The following AOPEP variants were observed in gnomAD, a reference collection of about 807,000 sequenced individuals.
AOPEP encodes aminopeptidase O (putative), also known as aminopeptidase O.
AOPEP carries 77 observed loss-of-function variants against 98.1 expected under a neutral mutation model. The ratio of observed to expected loss-of-function variants is 0.78; its 90% confidence interval spans 0.65 to 0.95. The LOEUF is 0.95. Among genes scored for constraint, AOPEP ranks in the 40% least tolerant of loss-of-function variants. The pLI is 0.00. For missense variants in AOPEP, 1,024 were observed against 1,024.7 expected (o/e 1.00, Z 0.01); for synonymous variants, 346 against 365.3 (o/e 0.95, Z 0.60).
At chr9:94,827,405 A>T (rs1854877936) in intron 5 of AOPEP, among the ~76,000 whole-genome samples, 1 of 152,190 alleles carries the variant, frequency 6.6e-6, no homozygotes. Flanking sequence ...ATTTTCGTCC[A>T]CTGAAGCCAC....
At chr9:94,940,992 TAAAAAA>T (rs35838994) in intron 7 of AOPEP, among the ~76,000 whole-genome samples, 1 of 148,628 alleles carries the variant, frequency 6.7e-6, no homozygotes, top group Non-Finnish European at 1.5e-5. Context: ...AAGAGAATGT[TAAAAAA>T]AAAAGTGCAA....
At chr9:95,093,816 C>T in the AOPEP span, among the ~76,000 whole-genome samples, 1 of 152,186 alleles carries the variant, frequency 6.6e-6, no homozygotes, top group Non-Finnish European at 1.5e-5. Flanking sequence ...ACTCGAGAGG[C>T]AGTGACACCC....
chr9:95,101,723 A>G, the AOPEP span: 24 of 1,613,908 alleles, frequency 1.5e-5, no homozygotes, highest in Non-Finnish European at 2.0e-5. Flanking sequence ...TTGAGTTCGC[A>G]GCTCTTTAAG....
At chr9:94,782,560 CA>C (rs1843534213) in intron 3 of AOPEP, among the ~76,000 whole-genome samples, 1 of 152,136 alleles carries the variant, frequency 6.6e-6, no homozygotes, top group Non-Finnish European at 1.5e-5. Flanking sequence ...TTCAAATGAG[CA>C]GTACTATTTA....
intron 11 of AOPEP, among the ~76,000 whole-genome samples, chr9:94,995,057 T>C (rs902679733): frequency 7.9e-5 from 12 of 152,248 alleles, no homozygotes; most frequent in African/African-American, 2.7e-4. Flanking sequence ...TTATCTCCTT[T>C]ATAATAAGAC....
chr9:94,730,609 T>C (rs1284672916), intron 1 of AOPEP, among the ~76,000 whole-genome samples: 1 of 152,200 alleles, frequency 6.6e-6, no homozygotes, highest in Non-Finnish European at 1.5e-5. Context: ...AATGGCAAAA[T>C]ATAGGATCTC....
At chr9:95,005,637 A>G (rs1315804429) in intron 13 of AOPEP, 21 bp downstream of exon 13, 8 of 1,607,190 alleles carry the variant, frequency 5.0e-6, no homozygotes, top group Non-Finnish European at 6.0e-6. Context: ...CCGAGACGGT[A>G]CTCGGTGCAG....
chr9:95,102,372 G>A, the AOPEP span, among the ~76,000 whole-genome samples: 60 of 152,302 alleles, frequency 3.9e-4, no homozygotes, highest in African/African-American at 1.4e-3. Context: ...TGATTCTTGC[G>A]GGAGAGCAGG....
chr9:94,963,013 G>A (rs2058957404), intron 9 of AOPEP, among the ~76,000 whole-genome samples: 1 of 152,002 alleles, frequency 6.6e-6, no homozygotes, highest in South Asian at 2.1e-4. Context: ...CAAAGTGCTG[G>A]GATTACAGGC....
At chr9:95,112,525 C>G in the AOPEP span, among the ~76,000 whole-genome samples, 1 of 152,236 alleles carries the variant, frequency 6.6e-6, no homozygotes, top group Non-Finnish European at 1.5e-5. Flanking sequence ...ACATGTCCCT[C>G]TTTCCCAGGA....
chr9:94,849,315 A>G (rs2043239301), intron 5 of AOPEP, among the ~76,000 whole-genome samples: 1 of 152,204 alleles, frequency 6.6e-6, no homozygotes, highest in Non-Finnish European at 1.5e-5. Context: ...TTAGGGTTAA[A>G]TGAGATAATG....
the AOPEP span, among the ~76,000 whole-genome samples, chr9:95,132,427 C>T: frequency 2.0e-5 from 3 of 152,206 alleles, no homozygotes; most frequent in Non-Finnish European, 4.4e-5. Context: ...TCGGTGACAT[C>T]GGTTTTTAAG....
intron 7 of AOPEP, chr9:94,932,992 T>G (rs1462950096): frequency 2.0e-6 from 2 of 985,330 alleles, no homozygotes; most frequent in African/African-American, 1.7e-5. Flanking sequence ...ATGCCATTTT[T>G]CATTTGTTAA....
the AOPEP span, chr9:95,149,830 T>G: frequency 1.4e-6 from 2 of 1,403,716 alleles, no homozygotes; most frequent in Non-Finnish European, 2.0e-6. Flanking sequence ...CAAAAACGTT[T>G]GGACACTGCT....
intron 5 of AOPEP, among the ~76,000 whole-genome samples, chr9:94,889,031 C>T (rs1380997825): frequency 1.3e-5 from 2 of 152,098 alleles, no homozygotes; most frequent in African/African-American, 4.8e-5. Flanking sequence ...GAAACCTCTC[C>T]TCTGTTCTCC....
chr9:95,125,000 T>C, the AOPEP span: 742 of 1,145,946 alleles, frequency 6.5e-4, 2 homozygotes, highest in African/African-American at 9.5e-3. Context: ...ATCAAAATTA[T>C]TGAAAATAAA....
At chr9:95,135,597 G>T in the AOPEP span, 1 of 1,018,338 alleles carries the variant, frequency 9.8e-7, no homozygotes, top group Non-Finnish European at 1.5e-6. Flanking sequence ...AATCCAATTT[G>T]TGAGACTTCT....
chr9:95,143,358 G>A, the AOPEP span, among the ~76,000 whole-genome samples: 2 of 152,136 alleles, frequency 1.3e-5, no homozygotes, highest in Non-Finnish European at 2.9e-5. Flanking sequence ...TTAAATCGCT[G>A]GCCAGTAGTG....
chr9:94,743,740 A>G (rs1833798120), intron 1 of AOPEP, among the ~76,000 whole-genome samples: 2 of 152,136 alleles, frequency 1.3e-5, no homozygotes, highest in African/African-American at 4.8e-5. Context: ...GGGGGTGAGG[A>G]CAGGGGTTGG....
Sources: allele counts gnomAD v4.1 joint callset (sites outside exome capture counted in the v4.1 genomes callset), GRCh38; gene constraint gnomAD v4.1.1; transcripts MANE v1.5; gene names NCBI Gene and HGNC (gene_info 2026-07-23, HGNC 2026-07-21).